SPAG1: variants seen among roughly 807,000 people sequenced by gnomAD.
SPAG1 encodes the protein sperm associated antigen 1, also known as sperm-associated antigen 1.
SPAG1 carries 69 observed loss-of-function variants against 100.5 expected under a neutral mutation model. That is an observed-to-expected ratio of 0.69 (90% CI 0.57 to 0.84). The LOEUF (loss-of-function observed/expected upper bound fraction) is 0.84. Ranked by LOEUF, SPAG1 falls within the 40% of genes least tolerant of loss-of-function variation. SPAG1 has a pLI of 0.00. For synonymous variants in SPAG1, 336 were observed against 411.6 expected (o/e 0.82, Z 2.22); for missense variants, 955 against 1,133.1 (o/e 0.84, Z 2.26).
intron 8 of SPAG1, among the ~76,000 whole-genome samples, chr8:100,190,636 T>G (rs551436762): frequency 6.6e-6 from 1 of 151,432 alleles, no homozygotes; most frequent in Non-Finnish European, 1.5e-5. Context: ...CTGAGCTAGA[T>G]GCTGGTCAGT....
chr8:100,177,674 C>T, intron 3 of SPAG1, 142 bp from the exon 4 acceptor site: 9 of 425,692 alleles, frequency 2.1e-5, no homozygotes, highest in South Asian at 1.1e-4. Context: ...AAAATTTTTC[C>T]AATATTTTTA....
At chr8:100,200,218 T>C (rs562660869) in intron 10 of SPAG1, among the ~76,000 whole-genome samples, 1 of 152,354 alleles carries the variant, frequency 6.6e-6, no homozygotes, top group African/African-American at 2.4e-5. Flanking sequence ...GTCCTTGTGA[T>C]AGTTTGCTGA....
chr8:100,181,434 A>G (rs1487693506), intron 4 of SPAG1, among the ~76,000 whole-genome samples: 5 of 152,220 alleles, frequency 3.3e-5, no homozygotes, highest in African/African-American at 1.2e-4. Flanking sequence ...TGAATCAATG[A>G]CCTTTTGAAA....
chr8:100,196,049 C>T (rs1202429286), intron 10 of SPAG1, among the ~76,000 whole-genome samples: 7 of 152,202 alleles, frequency 4.6e-5, no homozygotes, highest in African/African-American at 1.7e-4. Context: ...CTGCATGTAT[C>T]ATTGTCTCAT....
intron 14 of SPAG1, among the ~76,000 whole-genome samples, chr8:100,225,893 CGCAATCACGGTTCACT>C (rs986220428): frequency 6.6e-6 from 1 of 151,766 alleles, no homozygotes; most frequent in African/African-American, 2.4e-5. Context: ...AGTCCAGTGG[CGCAATCACGGTTCACT>C]GCAGTCTCGA....
chr8:100,184,626 A>T lies in SPAG1; in HGVS notation c.596-2A>T. 6.6e-7 allele frequency: 1 copy of T among 1,522,722 alleles called. No individual in the cohort carries two copies. The highest frequency in any genetic ancestry group is 8.8e-7 in the Non-Finnish European group (1 of 1,130,356). 94.3% of individuals were successfully genotyped at this position (1,522,722 alleles called of 1,614,324 possible). ...CATATAGCAGATAACATTTATTTCTAGGTCTAACTGAGAAAGAAAAGGATT... is the reference window on the plus strand; with the variant it reads ...CATATAGCAGATAACATTTATTTCTTGGTCTAACTGAGAAAGAAAAGGATT... On this transcript the variant is annotated splice_acceptor_variant, in intron 6 of 18. Coordinates refer to ENST00000388798, the MANE Select transcript of SPAG1 (RefSeq NM_003114.5). LOFTEE classifies it high-confidence loss of function.
At chr8:100,211,718 C>T (rs1029300747) in intron 10 of SPAG1, among the ~76,000 whole-genome samples, 8 of 152,226 alleles carry the variant, frequency 5.3e-5, no homozygotes, top group Non-Finnish European at 1.2e-4. Flanking sequence ...GCTTCTAGCT[C>T]TGTGTACTAG....
upstream of SPAG1, chr8:100,158,222 G>C (rs1815146068): frequency 6.6e-6 from 1 of 152,424 alleles, no homozygotes; most frequent in African/African-American, 2.4e-5. Flanking sequence ...GAGGCGAAGG[G>C]GCGGTGGGCC....
chr8:100,187,277 C>T (rs1449307116), intron 8 of SPAG1, 27 bp downstream of exon 8: 2 of 1,568,472 alleles, frequency 1.3e-6, no homozygotes, highest in Admixed American at 1.8e-5. Flanking sequence ...AATTCTTTTA[C>T]ATTTACAGCA....
At chr8:100,168,234 T>G (rs1373883846) in intron 3 of SPAG1, among the ~76,000 whole-genome samples, 1 of 152,206 alleles carries the variant, frequency 6.6e-6, no homozygotes, top group African/African-American at 2.4e-5. Context: ...ATTGTCCGTT[T>G]TGTTAGTTTT....
In SPAG1 at chr8:100,160,421, G is replaced by A. The variant is rs1815254859; in HGVS notation, c.-3+1805G>A. Among the ~76,000 whole-genome samples the A allele has an allele frequency of 2.0e-5, 3 of 152,216 alleles. No homozygotes were observed. In the South Asian group the frequency reaches 6.2e-4, roughly 32 times the overall value. On this transcript the variant is annotated intron_variant, in intron 1 of 18. Transcript: ENST00000388798. ...GCAGGCAGATCACTTGAGGTCCGTA[G>A]TTCAAGACCAGCCTGGCCAACATGG... is the stretch of plus-strand genomic sequence containing the variant.
intron 16 of SPAG1, among the ~76,000 whole-genome samples, chr8:100,238,103 C>T (rs1366599912): frequency 6.6e-6 from 1 of 152,200 alleles, no homozygotes; most frequent in African/African-American, 2.4e-5. Flanking sequence ...ACTTCCTCAA[C>T]TTGCCCTCCT....
At position 100,240,623 on chromosome 8, in the gene SPAG1, C is replaced by A; in HGVS notation, c.2501C>A (p.Pro834Gln). Residue 834 changes from proline (P) to glutamine (Q), a missense_variant, in exon 18 of 19, where the codon CCA becomes CAA. Transcript: ENST00000388798. ...GCACATCTTTTAGCCATCACTGCAC[C>A]AAAAGATTTGCCGATGTTTTTAAGT... ...ACAHLLAITA[P>Q]KDLPMFLSNK... 1 of 1,614,066 alleles carries A rather than the reference C, an allele frequency of 6.2e-7. No individual in the cohort carries two copies. Among genetic ancestry groups the A allele is most frequent in the Non-Finnish European group, 8.5e-7 (1 of 1,179,976 alleles).
chr8:100,195,249 G>A (rs576449395), intron 10 of SPAG1, among the ~76,000 whole-genome samples: 2 of 152,136 alleles, frequency 1.3e-5, no homozygotes, highest in Admixed American at 6.5e-5. Context: ...GGCAGTGGAG[G>A]GGGGAGATAT....
At position 100,205,730 on chromosome 8, in the gene SPAG1, G is replaced by A. The variant is rs114119453; in HGVS notation, c.1097-7360G>A. Reference sequence around the variant, plus strand: ...CAAGGACTTAAAAGATGTAGGGATAGGGCTGGCTGGGCATGGTGGTTCATG... The same window carrying A: ...CAAGGACTTAAAAGATGTAGGGATAAGGCTGGCTGGGCATGGTGGTTCATG... On this transcript the variant is annotated intron_variant, in intron 10 of 18. Coordinates refer to ENST00000388798, the MANE Select transcript of SPAG1 (RefSeq NM_003114.5). Among the ~76,000 whole-genome samples, 1,079 of 152,206 alleles carry A rather than the reference G, an allele frequency of 7.1e-3. 11 individuals carry two copies. The highest frequency in any genetic ancestry group is 0.025 in the African/African-American group (1,028 of 41,532).
At chr8:100,213,702 G>C in intron 11 of SPAG1, 117 bp from the exon 12 acceptor site, 1 of 652,770 alleles carries the variant, frequency 1.5e-6, no homozygotes, top group South Asian at 2.1e-5. Flanking sequence ...AGTTCTGCAT[G>C]ATCAGTCTGC....
At chr8:100,228,746 A>G (rs1767874067) in intron 14 of SPAG1, among the ~76,000 whole-genome samples, 1 of 152,140 alleles carries the variant, frequency 6.6e-6, no homozygotes, top group Non-Finnish European at 1.5e-5. Context: ...TAATAAATTT[A>G]TCTATCAGAA....
chr8:100,191,827 G>C (rs1816829904), intron 9 of SPAG1, among the ~76,000 whole-genome samples: 1 of 152,160 alleles, frequency 6.6e-6, no homozygotes, highest in Non-Finnish European at 1.5e-5. Context: ...GGTGAACTCT[G>C]TGGCCATTGA....
At chr8:100,192,007 C>T (rs1382469385) in intron 9 of SPAG1, among the ~76,000 whole-genome samples, 1 of 152,062 alleles carries the variant, frequency 6.6e-6, no homozygotes, top group Non-Finnish European at 1.5e-5. Context: ...CCAGAGGATA[C>T]AAGATATCCT....
Sources: allele counts gnomAD v4.1 joint callset (sites outside exome capture counted in the v4.1 genomes callset), GRCh38; gene constraint gnomAD v4.1.1; transcripts MANE v1.5; gene names NCBI Gene and HGNC (gene_info 2026-07-23, HGNC 2026-07-21).